Variants in PCCA observed in about 807,000 individuals in gnomAD.
The protein encoded by PCCA is propionyl-CoA carboxylase subunit alpha, also known as propionyl-CoA carboxylase alpha chain, mitochondrial.
PCCA carries 74 observed loss-of-function variants against 101.3 expected under a neutral mutation model. The ratio of observed to expected loss-of-function variants is 0.73; its 90% CI spans 0.61 to 0.89. The LOEUF is 0.89. Ranked by LOEUF, PCCA falls within the 40% of genes least tolerant of loss-of-function variation. PCCA has a pLI of 0.00. For missense variants in PCCA, 891 were observed against 907.0 expected (o/e 0.98, Z 0.23); for synonymous variants, 294 against 313.6 (o/e 0.94, Z 0.66).
chr13:100,359,207 G>C (rs2074302552), intron 18 of PCCA, among the ~76,000 whole-genome samples: 1 of 152,004 alleles, frequency 6.6e-6, no homozygotes, highest in Non-Finnish European at 1.5e-5. Context: ...TATTAGGAAG[G>C]ACAAAAAGAA....
At chr13:100,526,083 G>T (rs2087783363) in intron 22 of PCCA, among the ~76,000 whole-genome samples, 1 of 152,144 alleles carries the variant, frequency 6.6e-6, no homozygotes, top group African/African-American at 2.4e-5. Context: ...TGGCTGGCAG[G>T]TGTGCTGCAG....
intron 16 of PCCA, among the ~76,000 whole-genome samples, chr13:100,328,159 T>G (rs1397733454): frequency 6.6e-6 from 1 of 152,032 alleles, no homozygotes; most frequent in Non-Finnish European, 1.5e-5. Flanking sequence ...GGTCAGGAGA[T>G]CGAGACCAAC....
chr13:100,233,357 C>T (rs2060603534), intron 7 of PCCA, among the ~76,000 whole-genome samples: 3 of 152,144 alleles, frequency 2.0e-5, no homozygotes, highest in East Asian at 1.9e-4. Flanking sequence ...CAAGGCTGAG[C>T]ACAGATATTG....
At chr13:100,295,432 A>G (rs1219854433) in intron 12 of PCCA, among the ~76,000 whole-genome samples, 1 of 152,260 alleles carries the variant, frequency 6.6e-6, no homozygotes, top group Non-Finnish European at 1.5e-5. Flanking sequence ...CGAAAAAACA[A>G]GTCTTTGTAA....
intron 1 of PCCA, among the ~76,000 whole-genome samples, chr13:100,096,472 A>G (rs2046785018): frequency 6.6e-6 from 1 of 152,204 alleles, no homozygotes; most frequent in African/African-American, 2.4e-5. Context: ...AGATACAACA[A>G]TATTGAAATT....
chr13:100,300,286 T>C (rs1340630878), intron 12 of PCCA, among the ~76,000 whole-genome samples: 1 of 152,234 alleles, frequency 6.6e-6, no homozygotes, highest in East Asian at 1.9e-4. Flanking sequence ...TTGTTGAAAC[T>C]GTAAGCAAAC....
chr13:100,468,986 T>G (rs886716985), intron 21 of PCCA, among the ~76,000 whole-genome samples: 8 of 150,184 alleles, frequency 5.3e-5, no homozygotes, highest in African/African-American at 2.5e-5. Context: ...CTGAGGCGGG[T>G]GGATCACCTG....
At chr13:100,100,294 A>C (rs1341048271) in intron 1 of PCCA, among the ~76,000 whole-genome samples, 1 of 152,234 alleles carries the variant, frequency 6.6e-6, no homozygotes, top group Non-Finnish European at 1.5e-5. Flanking sequence ...TGGAAAATAC[A>C]GGAAATCATT....
intron 7 of PCCA, among the ~76,000 whole-genome samples, chr13:100,215,530 C>G (rs2059461973): frequency 6.6e-6 from 1 of 152,164 alleles, no homozygotes; most frequent in South Asian, 2.1e-4. Context: ...AGACCTACCC[C>G]CTCAGATACC....
intron 6 of PCCA, chr13:100,161,069 T>A (rs950385474): frequency 1.3e-5 from 2 of 152,284 alleles, no homozygotes; most frequent in Non-Finnish European, 2.9e-5. Flanking sequence ...GCTGAGCGTG[T>A]GAGGTTTGGC....
chr13:100,460,454 G>A (rs942722298), intron 21 of PCCA, among the ~76,000 whole-genome samples: 9 of 152,092 alleles, frequency 5.9e-5, no homozygotes, highest in African/African-American at 2.2e-4. Flanking sequence ...CCATTGAACA[G>A]CTTCTTCATG....
chr13:100,103,279 A>G (rs1439093410), intron 2 of PCCA, among the ~76,000 whole-genome samples: 1 of 151,950 alleles, frequency 6.6e-6, no homozygotes, highest in African/African-American at 2.4e-5. Context: ...GAGAGATTTA[A>G]TTAAACTATT....
chr13:100,452,172 TTC>T (rs2081374277), intron 21 of PCCA, among the ~76,000 whole-genome samples: 1 of 137,886 alleles, frequency 7.3e-6, no homozygotes, highest in Non-Finnish European at 1.6e-5. Context: ...CTTCTCTTTT[TTC>T]TTTCTCCTCT....
chr13:100,115,987 A>G (rs2048761760), intron 4 of PCCA, among the ~76,000 whole-genome samples: 1 of 152,154 alleles, frequency 6.6e-6, no homozygotes. Context: ...GATGGTGGGA[A>G]TGTCAAAAGT....
chr13:100,381,337 C>T (rs9518062), intron 19 of PCCA, among the ~76,000 whole-genome samples: 54,324 of 150,106 alleles, frequency 0.36, 11,809 homozygotes, highest in Non-Finnish European at 0.5. Context: ...TGCAGTGAGC[C>T]GAGATCGCCA....
chr13:100,346,960 G>A (rs981911491), intron 18 of PCCA, among the ~76,000 whole-genome samples: 1 of 151,822 alleles, frequency 6.6e-6, no homozygotes, highest in East Asian at 1.9e-4. Flanking sequence ...TGCAACCTCC[G>A]CCTCCTGTGT....
intron 22 of PCCA, among the ~76,000 whole-genome samples, chr13:100,525,911 T>C (rs1193912524): frequency 6.6e-6 from 1 of 152,110 alleles, no homozygotes; most frequent in Non-Finnish European, 1.5e-5. Flanking sequence ...GATTCCTCAT[T>C]TTTGGATGGC....
intron 4 of PCCA, among the ~76,000 whole-genome samples, chr13:100,145,333 C>T (rs1207437782): frequency 4.6e-5 from 7 of 152,264 alleles, no homozygotes; most frequent in African/African-American, 1.4e-4. Flanking sequence ...GCATCCCTGG[C>T]GTCTTACCCT....
At chr13:100,367,479 T>TTGTGTG (rs151316391) in intron 18 of PCCA, among the ~76,000 whole-genome samples, 1 of 149,554 alleles carries the variant, frequency 6.7e-6, no homozygotes, top group Non-Finnish European at 1.5e-5. Flanking sequence ...ATTTAGGGTT[T>TTGTGTG]TGTGTGTGTG....
Sources: gnomAD v4.1 joint callset for allele counts (sites outside exome capture counted in the v4.1 genomes callset) on GRCh38, gnomAD v4.1.1 for gene constraint, MANE v1.5 for transcripts, NCBI Gene and HGNC (gene_info 2026-07-23, HGNC 2026-07-21) for gene names.